The following NAV1 variants were observed in gnomAD, a reference collection of about 807,000 sequenced individuals.
NAV1 encodes pore membrane and/or filament interacting like protein 3.
In NAV1, 18 loss-of-function variants were observed where a neutral mutation model predicts 175.2. The observed-to-expected ratio is 0.10, with a 90% CI of 0.07 to 0.15. NAV1 has a LOEUF of 0.15. NAV1 is among the 10% of genes least tolerant of loss of function. NAV1 has a pLI of 1.00. For missense variants in NAV1, 1,731 were observed against 2,436.6 expected, an observed-to-expected ratio of 0.71 and a Z score of 6.10; for synonymous variants, 897 against 978.7, an observed-to-expected ratio of 0.92 and a Z score of 1.56.
chr1:201,611,951 C>T lies in NAV1; in HGVS notation c.-32-10902C>T, dbSNP rs114237763. The stretch of plus-strand genomic sequence containing the variant: ...GTGTGAGTTGCATGTATGATGTGTG[C>T]GGTGCGAGTGTGTATGTGTCAGTGT... On this transcript the variant is annotated intron_variant, in intron 2 of 33. Transcript: ENST00000685211. Among the ~76,000 whole-genome samples the T allele has an allele frequency of 4.6e-3, 676 of 147,220 alleles. 3 individuals carry two copies. Among genetic ancestry groups the T allele is most frequent in the Non-Finnish European group, 6.4e-3 (433 of 67,676 alleles).
At chr1:201,684,572 T>C (rs1670600904) in intron 1 of NAV1, among the ~76,000 whole-genome samples, 1 of 150,766 alleles carries the variant, frequency 6.6e-6, no homozygotes, top group Admixed American at 6.6e-5. Context: ...TCTCCCAGGT[T>C]CAAGCGATTC....
At chr1:201,768,009 G>A (rs984383045) in intron 3 of NAV1, among the ~76,000 whole-genome samples, 2 of 152,136 alleles carry the variant, frequency 1.3e-5, no homozygotes, top group Non-Finnish European at 2.9e-5. Context: ...TTGGATTTTT[G>A]TAACTTGGTC....
At chr1:201,643,053 T>C (rs369474473) in intron 2 of NAV1, among the ~76,000 whole-genome samples, 20 of 152,054 alleles carry the variant, frequency 1.3e-4, no homozygotes, top group South Asian at 2.1e-4. Flanking sequence ...GGATTACAGG[T>C]GTGAGCCACC....
chr1:201,623,205 G>C (rs1284425918), exon 1 of NAV1: 2 of 985,848 alleles, frequency 2.0e-6, no homozygotes, highest in African/African-American at 1.7e-5. Flanking sequence ...GGACAACCCC[G>C]AAAGCAGCCC....
chr1:201,623,454 G>A (rs1050202856), exon 1 of NAV1: 1 of 985,876 alleles, frequency 1.0e-6, no homozygotes, highest in African/African-American at 1.7e-5. Flanking sequence ...GGTCTTTGGA[G>A]CCTGATGAGG....
intron 1 of NAV1, among the ~76,000 whole-genome samples, chr1:201,704,328 G>A (rs993374777): frequency 6.6e-5 from 10 of 152,230 alleles, no homozygotes; most frequent in African/African-American, 2.2e-4. Flanking sequence ...TGTCCACCTC[G>A]CTGCGCTGCA....
intron 3 of NAV1, among the ~76,000 whole-genome samples, chr1:201,734,499 G>GAGAAGAAGAAGAAGAAGAAGA (rs60196611): frequency 0.037 from 4,445 of 121,164 alleles, 197 homozygotes; most frequent in African/African-American, 0.066. Context: ...GAAGGAGAAG[G>GAGAAGAAGAAGAAGAAGAAGA]AGAAGAAGAA....
rs771921539 is a variant in NAV1 at position 201,807,976 on chromosome 1, G to A, written c.3672G>A (p.Ala1224=). 1.8e-4 allele frequency: 288 copies of A among 1,613,708 alleles called. No individual in the cohort carries two copies. Among genetic ancestry groups the A allele is most frequent in the Non-Finnish European group, 2.3e-4 (267 of 1,179,790 alleles). Residue 1224 remains alanine, a synonymous_variant, in exon 18 of 30, where the codon GCG becomes GCA. Transcript: ENST00000367296. This position sits in a 1 kb window ranked among gnomAD's most constrained non-coding sequence, Gnocchi z 5.4. The stretch of plus-strand genomic sequence containing the variant: ...AGCTTCGAAGTTCCTTCAACAAAGC[G>A]TTCAGTATAAAAAAGGGGCCCAAGT...
chr1:201,747,756 A>G (rs543432146), intron 3 of NAV1, among the ~76,000 whole-genome samples: 32 of 152,242 alleles, frequency 2.1e-4, no homozygotes, highest in Non-Finnish European at 4.4e-4. Context: ...CCCATTTCCT[A>G]TATTATATAT....
At chr1:201,556,099 G>A (rs1246966913) in intron 1 of NAV1, among the ~76,000 whole-genome samples, 1 of 152,068 alleles carries the variant, frequency 6.6e-6, no homozygotes, top group African/African-American at 2.4e-5. Flanking sequence ...AGGTGCTAAG[G>A]ACAAACAGTA....
rs555606240 is a variant in NAV1, at chr1:201,724,009, C to T, written c.1226+5254C>T. On this transcript the variant is annotated intron_variant, in intron 3 of 29. Transcript: ENST00000367296. ...TACTTTTTTCAATGACCCAGTTTTT[C>T]GAACCTTTCATTGTCCTGGTCACCC... The T allele has an allele frequency of 1.6e-4, 24 of 152,240 alleles. 1 individual carries two copies. The highest frequency in any genetic ancestry group is 1.2e-3 in the South Asian group (6 of 4,824). The allele number at this position is 152,240 out of a possible 1,614,324, so 9.4% of individuals were successfully genotyped here.
chr1:201,629,125 G>A (rs1295414377), intron 1 of NAV1, among the ~76,000 whole-genome samples: 2 of 152,194 alleles, frequency 1.3e-5, no homozygotes, highest in East Asian at 3.9e-4. Flanking sequence ...TAACGTTCCT[G>A]GGAAATGGGT....
chr1:201,559,530 A>T (rs1269430260), intron 1 of NAV1, among the ~76,000 whole-genome samples: 1 of 152,150 alleles, frequency 6.6e-6, no homozygotes, highest in Non-Finnish European at 1.5e-5. Flanking sequence ...TCGAGGTGCC[A>T]TGCATGTGGG....
At chr1:201,568,781 A>G (rs1336689995) in intron 1 of NAV1, among the ~76,000 whole-genome samples, 1 of 152,006 alleles carries the variant, frequency 6.6e-6, no homozygotes. Flanking sequence ...GCTCCATTGC[A>G]AGGGTCTCTC....
chr1:201,779,446 A>C (rs1275522548), intron 3 of NAV1, among the ~76,000 whole-genome samples: 1 of 150,444 alleles, frequency 6.6e-6, no homozygotes, highest in Admixed American at 6.6e-5. Context: ...AAAAAAAAAA[A>C]TAGTAGCTGG....
intron 1 of NAV1, among the ~76,000 whole-genome samples, chr1:201,690,913 A>G (rs1480345091): frequency 3.9e-5 from 6 of 152,210 alleles, no homozygotes. Flanking sequence ...CACTTCAGTG[A>G]GTTTCTAGAC....
At chr1:201,747,942 G>A (rs769858225) in intron 3 of NAV1, among the ~76,000 whole-genome samples, 48 of 152,084 alleles carry the variant, frequency 3.2e-4, no homozygotes, top group Non-Finnish European at 5.9e-4. Flanking sequence ...AGCTCCTTAC[G>A]TCAACCCCAC....
chr1:201,793,522 T>G (rs1256997448), intron 13 of NAV1: 2 of 417,938 alleles, frequency 4.8e-6, no homozygotes, highest in East Asian at 5.0e-5. Context: ...AGTTGATAGG[T>G]TTTAGATCTC....
At chr1:201,797,723 T>A (rs1222656558) in intron 15 of NAV1, 2 of 152,246 alleles carry the variant, frequency 1.3e-5, no homozygotes, top group Non-Finnish European at 2.9e-5. Context: ...CTTATTTTGT[T>A]AAACTTAGTT....
Sources: allele counts gnomAD v4.1 joint callset (sites outside exome capture counted in the v4.1 genomes callset), GRCh38; gene constraint gnomAD v4.1.1; non-coding constraint Gnocchi (gnomAD v3.1); transcripts MANE v1.5; gene names NCBI Gene and HGNC (gene_info 2026-07-23, HGNC 2026-07-21).